MYT1L: variants seen among roughly 807,000 people sequenced by gnomAD.
MYT1L encodes myelin transcription factor 1-like protein.
MYT1L carries 12 observed loss-of-function variants against 126.7 expected under a neutral mutation model. The ratio of observed to expected loss-of-function variants is 0.09; its 90% CI spans 0.06 to 0.15. The LOEUF is 0.15. Among genes scored for constraint, MYT1L ranks in the 10% least tolerant of loss-of-function variants. MYT1L has a pLI of 1.00. For synonymous variants in MYT1L, 541 were observed against 604.2 expected (o/e 0.90, Z 1.53); for missense variants, 979 against 1,585.2 (o/e 0.62, Z 6.49).
At position 2,074,973 on chromosome 2, in the gene MYT1L, G is replaced by A. The variant is rs72767362; in HGVS notation, c.-303-20850C>T. ...ACCAGTAGTTACGATCCTTATAGACGAATCACAACCTTACACATAAATAAA... is the reference window on the plus strand; with the variant it reads ...ACCAGTAGTTACGATCCTTATAGACAAATCACAACCTTACACATAAATAAA... On this transcript the variant is annotated intron_variant, in intron 3 of 24. Coordinates refer to ENST00000647738, the MANE Select transcript of MYT1L (RefSeq NM_001303052.2). Among the ~76,000 whole-genome samples, 565 of 152,202 alleles carry A rather than the reference G, an allele frequency of 3.7e-3. 2 individuals carry two copies. Among genetic ancestry groups the A allele is most frequent in the Non-Finnish European group, 6.6e-3 (451 of 68,016 alleles).
At chr2:2,083,452 C>G (rs914849971) in intron 3 of MYT1L, among the ~76,000 whole-genome samples, 2 of 152,218 alleles carry the variant, frequency 1.3e-5, no homozygotes, top group Non-Finnish European at 2.9e-5. Flanking sequence ...CCAACACAGG[C>G]CTGCAGGGCC....
chr2:2,256,113 G>T (rs940632019), intron 2 of MYT1L, among the ~76,000 whole-genome samples: 1 of 152,172 alleles, frequency 6.6e-6, no homozygotes, highest in Non-Finnish European at 1.5e-5. Flanking sequence ...CTCGCGTCGG[G>T]CCAAAACAAG....
chr2:1,913,146 C>A (rs2052305652), intron 11 of MYT1L, among the ~76,000 whole-genome samples: 1 of 152,196 alleles, frequency 6.6e-6, no homozygotes. Flanking sequence ...CTAGAACAAC[C>A]TCTCTCTTTC....
intron 2 of MYT1L, among the ~76,000 whole-genome samples, chr2:2,243,374 C>G (rs1304689500): frequency 6.6e-6 from 1 of 152,186 alleles, no homozygotes; most frequent in Non-Finnish European, 1.5e-5. Context: ...AAACTTATCT[C>G]TCAAGGTTTA....
intron 5 of MYT1L, among the ~76,000 whole-genome samples, chr2:1,983,287 A>T (rs74809780): frequency 0.01 from 1,599 of 152,322 alleles, 15 homozygotes; most frequent in Admixed American, 0.022. Flanking sequence ...TAATTTATGA[A>T]AGATGCCAAG....
At chr2:1,969,266 C>T (rs1045397700) in intron 8 of MYT1L, among the ~76,000 whole-genome samples, 4 of 152,206 alleles carry the variant, frequency 2.6e-5, no homozygotes, top group South Asian at 4.1e-4. Context: ...CACCGTTATG[C>T]GGACCCCAGG....
chr2:2,240,627 C>A (rs2094420757), intron 2 of MYT1L, among the ~76,000 whole-genome samples: 1 of 152,180 alleles, frequency 6.6e-6, no homozygotes, highest in African/African-American at 2.4e-5. Context: ...GATAATGCAG[C>A]TCTTACTTCC....
intron 3 of MYT1L, among the ~76,000 whole-genome samples, chr2:2,131,475 T>C (rs946311679): frequency 6.6e-6 from 1 of 152,178 alleles, no homozygotes; most frequent in Non-Finnish European, 1.5e-5. Flanking sequence ...AGGGGCTGCA[T>C]GGAGAGTTTA....
intron 4 of MYT1L, among the ~76,000 whole-genome samples, chr2:2,049,301 G>A (rs1019917228): frequency 1.3e-5 from 2 of 152,146 alleles, no homozygotes; most frequent in African/African-American, 4.8e-5. Context: ...TATACACATA[G>A]TACATTATCT....
At chr2:1,938,242 G>T (rs1377982288) in intron 9 of MYT1L, among the ~76,000 whole-genome samples, 4 of 152,146 alleles carry the variant, frequency 2.6e-5, no homozygotes, top group Admixed American at 2.6e-4. Flanking sequence ...TAGTGGACTG[G>T]AGTATGAACA....
At chr2:2,088,885 T>G (rs2076621571) in intron 3 of MYT1L, among the ~76,000 whole-genome samples, 1 of 152,316 alleles carries the variant, frequency 6.6e-6, no homozygotes, top group African/African-American at 2.4e-5. Flanking sequence ...AACAGCACTC[T>G]CAAGTATCCT....
intron 9 of MYT1L, among the ~76,000 whole-genome samples, chr2:1,932,929 C>G (rs151111708): frequency 1.3e-5 from 2 of 152,118 alleles, no homozygotes; most frequent in East Asian, 1.9e-4. Context: ...GCCAGGGAAG[C>G]CTGGGCCAAC....
chr2:1,873,080 C>T (rs915881704), intron 18 of MYT1L, among the ~76,000 whole-genome samples: 4 of 152,226 alleles, frequency 2.6e-5, no homozygotes, highest in Admixed American at 2.0e-4. Context: ...ATAGAAATCA[C>T]AGGTGCTGCT....
chr2:2,170,137 A>G (rs17338505), intron 3 of MYT1L, among the ~76,000 whole-genome samples: 18,961 of 152,204 alleles, frequency 0.12, 1,278 homozygotes, highest in African/African-American at 0.19. Flanking sequence ...GGAGTAGCAC[A>G]TCTGTGGACA....
chr2:1,928,881 C>T (rs2054571156), intron 9 of MYT1L, among the ~76,000 whole-genome samples: 1 of 152,072 alleles, frequency 6.6e-6, no homozygotes, highest in African/African-American at 2.4e-5. Flanking sequence ...CAGGAAGACA[C>T]TGGGTTCGCC....
intron 3 of MYT1L, among the ~76,000 whole-genome samples, chr2:2,102,642 G>GTA (rs1559016564): frequency 6.8e-6 from 1 of 146,012 alleles, no homozygotes; most frequent in Non-Finnish European, 1.5e-5. Flanking sequence ...GTGTGTGTGT[G>GTA]TATAAAGTTA....
intron 5 of MYT1L, among the ~76,000 whole-genome samples, chr2:1,980,973 C>T (rs1436776727): frequency 1.3e-5 from 2 of 152,152 alleles, no homozygotes; most frequent in African/African-American, 4.8e-5. Flanking sequence ...AAAGCCACTT[C>T]CTCCATGGTT....
At chr2:1,807,142 G>T (rs1234992372) in intron 22 of MYT1L, among the ~76,000 whole-genome samples, 2 of 152,336 alleles carry the variant, frequency 1.3e-5, no homozygotes, top group East Asian at 1.9e-4. Context: ...CAGCCTGGGG[G>T]ACAGGATGCC....
intron 5 of MYT1L, among the ~76,000 whole-genome samples, chr2:1,996,763 A>G (rs1449956690): frequency 1.5e-5 from 2 of 133,440 alleles, no homozygotes; most frequent in Non-Finnish European, 3.1e-5. Context: ...CACAGAACCG[A>G]GTGTAGACGG....
Sources: allele counts gnomAD v4.1 joint callset (sites outside exome capture counted in the v4.1 genomes callset), GRCh38; gene constraint gnomAD v4.1.1; transcripts MANE v1.5; gene names NCBI Gene and HGNC (gene_info 2026-07-23, HGNC 2026-07-21).